MED23: variants seen among roughly 807,000 people sequenced by gnomAD.
The protein encoded by MED23 is mediator complex subunit 23.
Under a neutral mutation model 163.9 loss-of-function variants are expected in MED23, and 105 were observed. The observed-to-expected ratio is 0.64, with a 90% CI of 0.55 to 0.75. The LOEUF is 0.75. MED23 is among the 30% of genes least tolerant of loss of function. The pLI is 0.00. For synonymous variants in MED23, 561 were observed against 565.6 expected (o/e 0.99, Z 0.12); for missense variants, 1,054 against 1,649.0 (o/e 0.64, Z 6.25).
In MED23 at chr6:131,598,567, C is replaced by T; in HGVS notation, c.2415G>A (p.Gln805=). The change falls in exon 19 of 29, where the codon CAG becomes CAA. Residue 805 remains glutamine (Q), a synonymous_variant. Coordinates refer to ENST00000368068, the MANE Select transcript of MED23 (RefSeq NM_004830.4). This position sits in a 1 kb window ranked among gnomAD's most constrained non-coding sequence, Gnocchi z 4.7. ...GGTTTTTGACTTACCTATAGCCAAT[C>T]TGATTAATATGATCTGTTTCCAAGA... ...KMLLETDHIN[Q]IGYRVLERIG... 1 of 1,614,094 alleles carries T rather than the reference C, an allele frequency of 6.2e-7. No individual in the cohort carries two copies. The highest frequency in any genetic ancestry group is 8.5e-7 in the Non-Finnish European group (1 of 1,180,008).
chr6:131,576,009 G>A (rs74812906), intron 30 of MED23, among the ~76,000 whole-genome samples: 4,906 of 152,148 alleles, frequency 0.032, 108 homozygotes, highest in Middle Eastern at 0.061. Flanking sequence ...ACACTCTTTC[G>A]ATGCTTTTGC....
chr6:131,624,498 C>T (rs944259839), intron 4 of MED23, among the ~76,000 whole-genome samples: 1 of 152,182 alleles, frequency 6.6e-6, no homozygotes, highest in Non-Finnish European at 1.5e-5. Context: ...TCATTATGAC[C>T]TTGAGTAAAA....
At chr6:131,606,346 T>C in intron 13 of MED23, 133 bp downstream of exon 13, 1 of 814,966 alleles carries the variant, frequency 1.2e-6, no homozygotes. Flanking sequence ...GACATATACA[T>C]CAAGTATTTG....
At chr6:131,578,525 G>A (rs879780676) in intron 30 of MED23, among the ~76,000 whole-genome samples, 13 of 152,080 alleles carry the variant, frequency 8.5e-5, no homozygotes, top group East Asian at 1.9e-4. Context: ...CTTTATTTCC[G>A]AAGCTTCCAA....
chr6:131,598,028 T>C lies in MED23; in HGVS notation c.2607+259A>G, dbSNP rs1585485517. ...GAGGAGATTGCTTGAGACCAGGAGGTTGAGGCTGCAGTGAGCCATGATCAC... is the reference window on the plus strand; with the variant it reads ...GAGGAGATTGCTTGAGACCAGGAGGCTGAGGCTGCAGTGAGCCATGATCAC... On this transcript the variant is annotated intron_variant, in intron 20 of 28. Transcript: ENST00000368068. This position sits in a 1 kb window ranked among gnomAD's most constrained non-coding sequence, Gnocchi z 4.7. Among the ~76,000 whole-genome samples the C allele has an allele frequency of 2.6e-5, 4 of 151,610 alleles. No individual in the cohort carries two copies. The highest frequency in any genetic ancestry group is 9.7e-5 in the African/African-American group (4 of 41,216).
At chr6:131,575,437 G>A (rs1773567870) in intron 30 of MED23, among the ~76,000 whole-genome samples, 1 of 152,120 alleles carries the variant, frequency 6.6e-6, no homozygotes, top group African/African-American at 2.4e-5. Context: ...TACTTGATTG[G>A]GGAGAGGCAG....
intron 28 of MED23, among the ~76,000 whole-genome samples, chr6:131,589,074 C>T (rs1342660901): frequency 2.0e-5 from 3 of 152,098 alleles, no homozygotes; most frequent in Non-Finnish European, 2.9e-5. Context: ...AGTTATGCCG[C>T]GGTTTGTCTA....
At position 131,605,283 on chromosome 6, in the gene MED23, G is replaced by A; in HGVS notation, c.1570C>T (p.Pro524Ser). The A allele has an allele frequency of 6.2e-7, 1 of 1,613,450 alleles. No individual in the cohort carries two copies. Among genetic ancestry groups the A allele is most frequent in the Non-Finnish European group, 8.5e-7 (1 of 1,179,556 alleles). ...CMASGSITPL[P>S]MNLLDSLTVH... is the part of the protein sequence containing the mutation. ...GTCAGTGAATCCAGGAGGTTCATAG[G>A]TAAGGGGGTAATAGATCCTGAAGCC... Residue 524 changes from proline (P) to serine (S), a missense_variant, in exon 14 of 29, where the codon CCT becomes TCT. Physicochemically the swap from Pro to Ser is moderately conservative, Grantham distance 74 (BLOSUM62 -1). Coordinates refer to ENST00000368068, the MANE Select transcript of MED23 (RefSeq NM_004830.4).
In MED23 at chr6:131,598,220, G is replaced by C; in HGVS notation, c.2607+67C>G. Reference sequence around the variant, plus strand: ...CCTTCAAAGCAATATAGAGCAGATTGGCATAACATATATTAGTCATACATC... The same window carrying C: ...CCTTCAAAGCAATATAGAGCAGATTCGCATAACATATATTAGTCATACATC... On this transcript the variant is annotated intron_variant, in intron 20 of 28. Transcript: ENST00000368068. The surrounding 1 kb of genome is among the most constrained non-coding windows in gnomAD (Gnocchi z 4.7). 1 of 1,419,548 alleles carries C rather than the reference G, an allele frequency of 7.0e-7. No homozygotes were observed. The highest frequency in any genetic ancestry group is 9.9e-7 in the Non-Finnish European group (1 of 1,005,264). The allele number at this position is 1,419,548 out of a possible 1,614,324, so 87.9% of individuals were successfully genotyped here. A position where few individuals can be genotyped will look rare whatever the true frequency, so the allele number is the denominator to read the frequency against.
downstream of MED23, among the ~76,000 whole-genome samples, chr6:131,584,580 A>G (rs78404021): frequency 5.5e-3 from 843 of 152,244 alleles, 8 homozygotes; most frequent in African/African-American, 0.019. Context: ...TGGGCAATCT[A>G]CAAGTTCATT....
intron 4 of MED23, 83 bp downstream of exon 4, chr6:131,624,782 T>C: frequency 6.7e-7 from 1 of 1,485,258 alleles, no homozygotes; most frequent in Admixed American, 1.7e-5. Context: ...TTCTCTTACC[T>C]TTTTACAACA....
chr6:131,600,746 A>G (rs1252876207), intron 17 of MED23, among the ~76,000 whole-genome samples: 1 of 149,104 alleles, frequency 6.7e-6, no homozygotes, highest in East Asian at 1.9e-4. Flanking sequence ...ATAAAAAGAT[A>G]TCAGGCTTTT....
intron 28 of MED23, among the ~76,000 whole-genome samples, chr6:131,588,929 C>A (rs888979852): frequency 1.3e-5 from 2 of 152,142 alleles, no homozygotes; most frequent in Non-Finnish European, 2.9e-5. Flanking sequence ...CAAATGAAAA[C>A]CCTCCAAAAT....
At chr6:131,576,193 T>C (rs1284328486) in intron 30 of MED23, among the ~76,000 whole-genome samples, 1 of 152,254 alleles carries the variant, frequency 6.6e-6, no homozygotes, top group East Asian at 1.9e-4. Context: ...GGACATTTTA[T>C]ATCATCACTG....
chr6:131,583,441 G>A (rs1301274210), downstream of MED23: 2 of 1,613,982 alleles, frequency 1.2e-6, no homozygotes, highest in Non-Finnish European at 1.7e-6. Context: ...GTCGTGGGAG[G>A]TCTGACATAC....
chr6:131,589,426 T>C, intron 28 of MED23, 39 bp downstream of exon 28: 1 of 1,568,982 alleles, frequency 6.4e-7, no homozygotes, highest in Non-Finnish European at 8.7e-7. Context: ...GTTTTCTAAA[T>C]TAAACATCAT....
chr6:131,607,232 A>G (rs555950512), intron 12 of MED23, among the ~76,000 whole-genome samples: 31 of 151,706 alleles, frequency 2.0e-4, no homozygotes, highest in Non-Finnish European at 3.4e-4. Flanking sequence ...GTGGGGTTAC[A>G]GCTAGTGCAT....
At chr6:131,580,550 C>T (rs966915881) in intron 30 of MED23, among the ~76,000 whole-genome samples, 7 of 152,102 alleles carry the variant, frequency 4.6e-5, no homozygotes, top group African/African-American at 1.7e-4. Flanking sequence ...CCTAATAAAT[C>T]CTAACTTTTA....
rs572355124 is a variant in MED23 at position 131,607,735 on chromosome 6, T to C, written c.1221+193A>G. 4.6e-5 allele frequency among the ~76,000 whole-genome samples: 7 copies of C among 152,304 alleles called. No homozygotes were observed. In the East Asian group the frequency reaches 1.4e-3, roughly 29 times the overall value. On this transcript the variant is annotated intron_variant, in intron 12 of 28. Transcript: ENST00000368068. ...CTGGCCATTCAATGATGTATATAGA[T>C]TAAAACAGCTTTAGTGATTTGTAAA...
Sources: allele counts gnomAD v4.1 joint callset (sites outside exome capture counted in the v4.1 genomes callset), GRCh38; gene constraint gnomAD v4.1.1; non-coding constraint Gnocchi (gnomAD v3.1); transcripts MANE v1.5; gene names NCBI Gene and HGNC (gene_info 2026-07-23, HGNC 2026-07-21).